The following PITPNC1 variants were observed in gnomAD, a reference collection of about 807,000 sequenced individuals.
The protein encoded by PITPNC1 is phosphatidylinositol transfer protein cytoplasmic 1.
In PITPNC1, 18 loss-of-function variants were observed where a neutral mutation model predicts 44.7. That is an observed-to-expected ratio of 0.40 (90% CI 0.28 to 0.60). PITPNC1 has a LOEUF of 0.60. Ranked by LOEUF, PITPNC1 falls within the 20% of genes least tolerant of loss-of-function variation. The pLI, the probability that PITPNC1 is intolerant of heterozygous loss-of-function variation, is 0.39. For synonymous variants in PITPNC1, 141 were observed against 149.6 expected, an observed-to-expected ratio of 0.94 and a Z score of 0.42; for missense variants, 290 against 418.4, an observed-to-expected ratio of 0.69 and a Z score of 2.68.
chr17:67,404,318 G>A (rs2038365969), intron 1 of PITPNC1, among the ~76,000 whole-genome samples: 1 of 152,162 alleles, frequency 6.6e-6, no homozygotes, highest in South Asian at 2.1e-4. Context: ...AGCCAGAAAC[G>A]TAGATACAAT....
intron 1 of PITPNC1, among the ~76,000 whole-genome samples, chr17:67,490,151 TG>T (rs2039843038): frequency 7.2e-6 from 1 of 139,606 alleles, no homozygotes; most frequent in Non-Finnish European, 1.5e-5. Flanking sequence ...TGTGTGTGTG[TG>T]TGTGTGTGTT....
intron 1 of PITPNC1, among the ~76,000 whole-genome samples, chr17:67,469,222 G>T (rs2039476791): frequency 6.6e-6 from 1 of 152,078 alleles, no homozygotes; most frequent in Admixed American, 6.5e-5. Context: ...GAAACTGTCT[G>T]GGTTCCTGCT....
intron 3 of PITPNC1, among the ~76,000 whole-genome samples, chr17:67,552,744 G>A (rs183366067): frequency 2.3e-4 from 35 of 150,242 alleles, no homozygotes; most frequent in Non-Finnish European, 7.4e-5. Context: ...GGAGGTGGAG[G>A]TTGCAGTGAG....
intron 1 of PITPNC1, among the ~76,000 whole-genome samples, chr17:67,451,901 G>T (rs1367507544): frequency 6.6e-6 from 1 of 151,984 alleles, no homozygotes; most frequent in Admixed American, 6.5e-5. Context: ...CTCCCAAAGT[G>T]CTGGGATTAC....
chr17:67,694,323 C>T lies in PITPNC1; in HGVS notation c.*1435C>T, dbSNP rs955697432. On this transcript the variant is annotated 3_prime_UTR_variant, in exon 9 of 9. Coordinates refer to ENST00000581322, the MANE Select transcript of PITPNC1 (RefSeq NM_012417.4). ...AATTGGGCAACTTGGAGGCCCACGCCCCAGCTAGCCTTCCTGATCGTAACC... is the reference window on the plus strand; with the variant it reads ...AATTGGGCAACTTGGAGGCCCACGCTCCAGCTAGCCTTCCTGATCGTAACC... 3.3e-5 allele frequency: 5 copies of T among 152,232 alleles called. No homozygotes were observed. The highest frequency in any genetic ancestry group is 1.2e-4 in the African/African-American group (5 of 41,448). The allele number at this position is 152,232 out of a possible 1,614,324, so 9.4% of individuals were successfully genotyped here.
intron 1 of PITPNC1, among the ~76,000 whole-genome samples, chr17:67,507,072 G>T (rs1173756885): frequency 6.6e-6 from 1 of 152,142 alleles, no homozygotes; most frequent in Non-Finnish European, 1.5e-5. Context: ...TGCCAGGAAT[G>T]GACACATTCA....
At chr17:67,523,386 C>G (rs1441010698) in intron 1 of PITPNC1, among the ~76,000 whole-genome samples, 1 of 152,160 alleles carries the variant, frequency 6.6e-6, no homozygotes, top group Non-Finnish European at 1.5e-5. Context: ...ATGAATGAAA[C>G]AGATCTGCAA....
At chr17:67,419,331 A>G (rs2038633118) in intron 1 of PITPNC1, among the ~76,000 whole-genome samples, 1 of 152,142 alleles carries the variant, frequency 6.6e-6, no homozygotes, top group African/African-American at 2.4e-5. Flanking sequence ...GAAGTTTCCT[A>G]TTTCTGGAGT....
intron 4 of PITPNC1, among the ~76,000 whole-genome samples, chr17:67,576,729 G>A (rs534565100): frequency 1.0e-3 from 159 of 152,324 alleles, no homozygotes; most frequent in African/African-American, 3.7e-3. Context: ...GACTGGGGCT[G>A]TAGGGCTGGG....
In PITPNC1 at chr17:67,577,986, CTCTG is replaced by C. The variant is rs2144230707; in HGVS notation, c.295-195_295-192del. The C allele has an allele frequency of 8.2e-6, 5 of 612,984 alleles. No individual in the cohort carries two copies. In the East Asian group the frequency reaches 1.5e-4, roughly 19 times the overall value. 38.0% of individuals were successfully genotyped at this position (612,984 alleles called of 1,614,324 possible). On this transcript the variant is annotated intron_variant, in intron 4 of 8. Transcript: ENST00000581322. ...TGCTGGTTATTCTCTGTGGCCTGAC[CTCTG>C]TCTGGATGAAACTGTGTTCATTGTC...
intron 1 of PITPNC1, among the ~76,000 whole-genome samples, chr17:67,486,034 A>G (rs1282722022): frequency 6.6e-6 from 1 of 152,248 alleles, no homozygotes; most frequent in African/African-American, 2.4e-5. Flanking sequence ...GACGCATTAA[A>G]TAAAATATCA....
chr17:67,541,715 T>G (rs548288844), intron 2 of PITPNC1, among the ~76,000 whole-genome samples: 1 of 152,292 alleles, frequency 6.6e-6, no homozygotes, highest in East Asian at 1.9e-4. Context: ...AAAGAATGAC[T>G]GAAGAAACCA....
intron 1 of PITPNC1, among the ~76,000 whole-genome samples, chr17:67,405,871 T>A (rs1433839472): frequency 6.6e-6 from 1 of 152,150 alleles, no homozygotes; most frequent in Non-Finnish European, 1.5e-5. Flanking sequence ...CCTCCCAAAG[T>A]GCTGGGATTA....
intron 8 of PITPNC1, among the ~76,000 whole-genome samples, chr17:67,688,064 C>G (rs183026448): frequency 1.1e-4 from 16 of 147,596 alleles, no homozygotes; most frequent in African/African-American, 4.0e-4. Context: ...ATCAGCTGGG[C>G]GCGGTGGCTC....
At chr17:67,621,219 T>TTATTTTATTTTATTTTATTTTATTA (rs2041825474) in intron 5 of PITPNC1, among the ~76,000 whole-genome samples, 3 of 147,834 alleles carry the variant, frequency 2.0e-5, no homozygotes, top group South Asian at 4.2e-4. Context: ...TTATTTTATT[T>TTATTTTATTTTATTTTATTTTATTA]TATTTTAAGA....
chr17:67,631,714 A>G lies in PITPNC1; in HGVS notation c.367-429A>G, dbSNP rs576946982. On this transcript the variant is annotated intron_variant, in intron 5 of 8. Coordinates refer to ENST00000581322, the MANE Select transcript of PITPNC1 (RefSeq NM_012417.4). ...CATATATATAATTTTAATTTTAAAA[A>G]ACACACACTTTTCTAACTCTTGGCC... 7.5e-3 allele frequency among the ~76,000 whole-genome samples: 1,025 copies of G among 135,824 alleles called. 9 individuals are homozygous for G. Among genetic ancestry groups the G allele is most frequent in the Non-Finnish European group, 0.013 (821 of 63,112 alleles). 89.1% of individuals were successfully genotyped at this position (135,824 alleles called of 152,430 possible). A position where few individuals can be genotyped will look rare whatever the true frequency, so the allele number is the denominator to read the frequency against.
chr17:67,572,542 C>T (rs1270913541), intron 4 of PITPNC1, among the ~76,000 whole-genome samples: 1 of 144,278 alleles, frequency 6.9e-6, no homozygotes, highest in Non-Finnish European at 1.5e-5. Flanking sequence ...ATTAGGGGGG[C>T]ACCCTCCTGT....
At chr17:67,395,442 C>T (rs141347227) in intron 1 of PITPNC1, among the ~76,000 whole-genome samples, 88 of 152,274 alleles carry the variant, frequency 5.8e-4, no homozygotes, top group African/African-American at 2.1e-3. Flanking sequence ...AGCCACCACA[C>T]CTGGCCTGGA....
At chr17:67,505,213 T>A (rs1467258031) in intron 1 of PITPNC1, among the ~76,000 whole-genome samples, 1 of 152,184 alleles carries the variant, frequency 6.6e-6, no homozygotes, top group Admixed American at 6.5e-5. Context: ...ATGTGTTCTG[T>A]TGATTTTTTA....
Sources: gnomAD v4.1 joint callset for allele counts (sites outside exome capture counted in the v4.1 genomes callset) on GRCh38, gnomAD v4.1.1 for gene constraint, MANE v1.5 for transcripts, NCBI Gene and HGNC (gene_info 2026-07-23, HGNC 2026-07-21) for gene names.